TUBGCP4: variants seen among roughly 807,000 people sequenced by gnomAD.
The protein encoded by TUBGCP4 is gamma-tubulin complex component 4.
TUBGCP4 carries 54 observed loss-of-function variants against 91.6 expected under a neutral mutation model. The ratio of observed to expected loss-of-function variants is 0.59; its 90% CI spans 0.47 to 0.74. The LOEUF (loss-of-function observed/expected upper bound fraction) is 0.74, where lower values mean the gene tolerates loss of function less well. Ranked by LOEUF, TUBGCP4 falls within the 30% of genes least tolerant of loss-of-function variation. The pLI is 0.00. For missense variants in TUBGCP4, 593 were observed against 800.9 expected (o/e 0.74, Z 3.13); for synonymous variants, 297 against 302.8 (o/e 0.98, Z 0.20).
At chr15:43,381,044 C>T (rs1042417904) in intron 6 of TUBGCP4, among the ~76,000 whole-genome samples, 2 of 151,904 alleles carry the variant, frequency 1.3e-5, no homozygotes, top group Non-Finnish European at 2.9e-5. Context: ...TAGGCTCAAC[C>T]GATATTCACA....
At chr15:43,400,420 C>G (rs2044654600) in intron 14 of TUBGCP4, among the ~76,000 whole-genome samples, 199 bp downstream of exon 14, 1 of 151,940 alleles carries the variant, frequency 6.6e-6, no homozygotes, top group East Asian at 1.9e-4. Context: ...TTTTTAGAGA[C>G]AGGGTCTTTC....
Position 43,407,103 on chromosome 15 carries a change from G to T in TUBGCP4, c.*1889G>T. On this transcript the variant is annotated 3_prime_UTR_variant, in exon 18 of 18. Coordinates refer to ENST00000564079, the MANE Select transcript of TUBGCP4 (RefSeq NM_014444.5). ...TCACTCTTAACTTTTCAATTTCCTT[G>T]GCCAGCTGTCCTCCGTAAGTGAATA... 1 of 333,220 alleles carries T rather than the reference G, an allele frequency of 3.0e-6. No individual in the cohort carries two copies. 20.6% of individuals were successfully genotyped at this position (333,220 alleles called of 1,614,324 possible).
chr15:43,383,449 A>G lies in TUBGCP4; in HGVS notation c.668A>G (p.Glu223Gly). 1 of 1,614,042 alleles carries G rather than the reference A, an allele frequency of 6.2e-7. No individual in the cohort carries two copies. The highest frequency in any genetic ancestry group is 8.5e-7 in the Non-Finnish European group (1 of 1,179,972). ...NVSAQPEEDE[E>G]DLGIGGLTGK... Reference sequence around the variant, plus strand: ...AGTGCCCAGCCAGAAGAGGACGAGGAGGATCTGGGCATTGGGGGACTGACA... The same window carrying G: ...AGTGCCCAGCCAGAAGAGGACGAGGGGGATCTGGGCATTGGGGGACTGACA... Residue 223 changes from glutamate to glycine, a missense_variant, in exon 7 of 18, where the codon GAG becomes GGG. Transcript: ENST00000564079.
At chr15:43,390,017 G>C (rs935454955) in intron 9 of TUBGCP4, among the ~76,000 whole-genome samples, 4 of 152,022 alleles carry the variant, frequency 2.6e-5, no homozygotes, top group Middle Eastern at 3.2e-3. Flanking sequence ...CTCCCACCGG[G>C]TTCCTCCCAC....
chr15:43,396,822 G>C (rs945594288), intron 11 of TUBGCP4, among the ~76,000 whole-genome samples: 1 of 152,162 alleles, frequency 6.6e-6, no homozygotes, highest in African/African-American at 2.4e-5. Context: ...TGAAAAAAGA[G>C]CTGGACTCTT....
Position 43,407,381 on chromosome 15 carries a change from CT to C in TUBGCP4, c.*2170del. 6.2e-7 allele frequency: 1 copy of C among 1,613,906 alleles called. No individual in the cohort carries two copies. Among genetic ancestry groups the C allele is most frequent in the South Asian group, 1.1e-5 (1 of 91,054 alleles). On this transcript the variant is annotated 3_prime_UTR_variant, in exon 18 of 18. Transcript: ENST00000564079. ...GAATAAAACCAGTAAGACCAAGTAT[CT>C]TTAGTGAGAAACATAATCGTGTTTA...
At chr15:43,376,724 G>C in intron 3 of TUBGCP4, 99 bp downstream of exon 3, 1 of 1,527,756 alleles carries the variant, frequency 6.5e-7, no homozygotes, top group Non-Finnish European at 8.9e-7. Context: ...AGTTAAGAGT[G>C]AGCAGTTGCC....
rs200951264 is a variant in TUBGCP4, at chr15:43,376,554, C to A, written c.259C>A (p.Arg87=). ...AGGTGGGTTACATGGAATCTACCTG[C>A]GGGCCTTCTGCACAGGGCTGGATTC... ...GQGGLHGIYL[R]AFCTGLDSVL... The change falls in exon 3 of 18, where the codon CGG becomes AGG. Residue 87 remains arginine, a synonymous_variant. Transcript: ENST00000564079. 6.1e-5 allele frequency: 99 copies of A among 1,614,164 alleles called. No individual in the cohort carries two copies. The South Asian group carries it at 1.0e-3, about 17-fold the overall frequency.
chr15:43,394,907 C>G, intron 9 of TUBGCP4, 200 bp from the exon 10 acceptor site: 1 of 588,062 alleles, frequency 1.7e-6, no homozygotes, highest in Non-Finnish European at 3.0e-6. Context: ...AACCTCTTTT[C>G]TTCATTAATT....
intron 1 of TUBGCP4, among the ~76,000 whole-genome samples, chr15:43,373,853 C>A (rs915703632): frequency 1.3e-5 from 2 of 151,988 alleles, no homozygotes; most frequent in South Asian, 4.2e-4. Context: ...GGGGTTTCAC[C>A]GTGTTAGCCA....
At chr15:43,395,325 T>C in intron 10 of TUBGCP4, 168 bp downstream of exon 10, 1 of 760,768 alleles carries the variant, frequency 1.3e-6, no homozygotes, top group Non-Finnish European at 2.2e-6. Context: ...TCTACGATAA[T>C]ACAAAGATTT....
At chr15:43,385,751 C>T (rs1237213252) in intron 7 of TUBGCP4, 40 bp from the exon 8 acceptor site, 13 of 1,605,728 alleles carry the variant, frequency 8.1e-6, no homozygotes, top group Non-Finnish European at 1.1e-5. Flanking sequence ...CCTTTTCTTG[C>T]TTCACACTGC....
chr15:43,371,557 C>T, intron 1 of TUBGCP4, 125 bp downstream of exon 1: 1 of 938,978 alleles, frequency 1.1e-6, no homozygotes, highest in Non-Finnish European at 1.7e-6. Flanking sequence ...TATCCCTGGA[C>T]AGGTGACTGG....
At chr15:43,405,104 T>C in intron 17 of TUBGCP4, 98 bp from the exon 18 acceptor site, 8 of 1,389,612 alleles carry the variant, frequency 5.8e-6, no homozygotes, top group Middle Eastern at 2.0e-4. Flanking sequence ...AGTTTTAAGA[T>C]GACATTATTT....
chr15:43,399,268 G>T, intron 13 of TUBGCP4: 1 of 567,602 alleles, frequency 1.8e-6, no homozygotes, highest in South Asian at 3.3e-5. Context: ...ACCTGAACTT[G>T]CAGGGAGGCA....
At chr15:43,378,390 C>G (rs1479280526) in intron 5 of TUBGCP4, among the ~76,000 whole-genome samples, 1 of 152,148 alleles carries the variant, frequency 6.6e-6, no homozygotes, top group Non-Finnish European at 1.5e-5. Flanking sequence ...GAATGTCTTT[C>G]TGGGCAGAGT....
At chr15:43,379,497 G>A (rs1261725317) in intron 5 of TUBGCP4, among the ~76,000 whole-genome samples, 6 of 152,018 alleles carry the variant, frequency 3.9e-5, no homozygotes, top group African/African-American at 1.4e-4. Context: ...AAAAAAATTA[G>A]CCAGGCGTGG....
Position 43,400,186 on chromosome 15 carries a change from G to C in TUBGCP4, c.1561G>C (p.Ala521Pro). ...AIKWRLRNHM[A>P]FLVDNLQYYL... ...CAAGTGGCGCCTAAGAAATCACATG[G>C]CATTTTTGGTGGATAATCTTCAGTA... Residue 521 changes from alanine (A) to proline (P), a missense_variant, in exon 14 of 18, where the codon GCA becomes CCA. Physicochemically the swap from Ala to Pro is conservative, Grantham distance 27 (BLOSUM62 -1). Coordinates refer to ENST00000564079, the MANE Select transcript of TUBGCP4 (RefSeq NM_014444.5). The C allele has an allele frequency of 6.2e-7, 1 of 1,614,136 alleles. No homozygotes were observed. Among genetic ancestry groups the C allele is most frequent in the Non-Finnish European group, 8.5e-7 (1 of 1,180,004 alleles).
At chr15:43,396,474 T>C (rs915438840) in intron 11 of TUBGCP4, among the ~76,000 whole-genome samples, 1 of 152,168 alleles carries the variant, frequency 6.6e-6, no homozygotes, top group Non-Finnish European at 1.5e-5. Context: ...AGAAAATACA[T>C]ACACACAGGC....
Sources: allele counts gnomAD v4.1 joint callset (sites outside exome capture counted in the v4.1 genomes callset), GRCh38; gene constraint gnomAD v4.1.1; transcripts MANE v1.5; gene names NCBI Gene and HGNC (gene_info 2026-07-23, HGNC 2026-07-21).